Variants in LITAF observed in about 807,000 individuals in gnomAD.
LITAF encodes the protein lipopolysaccharide-induced tumor necrosis factor-alpha factor.
A neutral mutation model predicts 14.5 loss-of-function variants in LITAF; 9 were observed. That is an observed-to-expected ratio of 0.62 (90% CI 0.37 to 1.08). The LOEUF (loss-of-function observed/expected upper bound fraction) is 1.08. Among genes scored for constraint, LITAF ranks in the 50% least tolerant of loss-of-function variants. The pLI, the probability that LITAF is intolerant of heterozygous loss-of-function variation, is 0.01. For synonymous variants in LITAF, 98 were observed against 88.2 expected (o/e 1.11, Z -0.62); for missense variants, 206 against 213.4 (o/e 0.97, Z 0.22).
chr16:11,558,832 C>T lies in LITAF; in HGVS notation c.-5-2097G>A, dbSNP rs930169658. ...AACTTTGAAAGTCCCTTGGAGAACA[C>T]GTGTTCAAGACTTCTTTCTATCAGA... On this transcript the variant is annotated intron_variant, in intron 1 of 3. Coordinates refer to ENST00000622633, the MANE Select transcript of LITAF (RefSeq NM_001136472.2). The surrounding 1 kb of genome is among the most constrained non-coding windows in gnomAD (Gnocchi z 4.1). Among the ~76,000 whole-genome samples, 4 of 152,170 alleles carry T rather than the reference C, an allele frequency of 2.6e-5. No individual in the cohort carries two copies. Among genetic ancestry groups the T allele is most frequent in the Non-Finnish European group, 5.9e-5 (4 of 68,044 alleles).
chr16:11,566,714 G>C (rs1478160600), intron 1 of LITAF, among the ~76,000 whole-genome samples: 1 of 152,006 alleles, frequency 6.6e-6, no homozygotes, highest in African/African-American at 2.4e-5. Flanking sequence ...TGAGGCTGCA[G>C]TAAGCTATAA....
intron 1 of LITAF, among the ~76,000 whole-genome samples, chr16:11,567,806 G>A (rs1330239107): frequency 6.6e-6 from 1 of 152,048 alleles, no homozygotes; most frequent in Non-Finnish European, 1.5e-5. Flanking sequence ...CCAACATGGT[G>A]AAACCCGGCT....
At chr16:11,629,268 T>A (rs952154539) in intron 3 of LITAF, 4 of 152,286 alleles carry the variant, frequency 2.6e-5, no homozygotes, top group Non-Finnish European at 5.9e-5. Flanking sequence ...AGCCGGGAAG[T>A]CAGACATGAC....
chr16:11,628,366 G>A (rs927428368), intron 3 of LITAF, among the ~76,000 whole-genome samples: 3 of 150,848 alleles, frequency 2.0e-5, no homozygotes, highest in African/African-American at 7.3e-5. Context: ...CCAAGTAAAC[G>A]CTTTGCAGAA....
At chr16:11,596,470 A>G (rs182045030) in intron 1 of LITAF, among the ~76,000 whole-genome samples, 12 of 39,714 alleles carry the variant, frequency 3.0e-4, no homozygotes, top group East Asian at 1.1e-3. Context: ...AGGAGGAGGA[A>G]GAGAGAAGTA....
chr16:11,620,117 G>A (rs540004487), intron 3 of LITAF, among the ~76,000 whole-genome samples: 11 of 149,258 alleles, frequency 7.4e-5, no homozygotes, highest in South Asian at 2.1e-4. Context: ...GCAGAGAGCC[G>A]AGATGGCACC....
chr16:11,569,533 C>A (rs1190830425), intron 1 of LITAF, among the ~76,000 whole-genome samples: 1 of 152,002 alleles, frequency 6.6e-6, no homozygotes, highest in Non-Finnish European at 1.5e-5. Flanking sequence ...GATAACTTAA[C>A]ATGTGGAAAT....
intron 3 of LITAF, among the ~76,000 whole-genome samples, chr16:11,623,250 C>T (rs907847687): frequency 5.9e-5 from 9 of 151,818 alleles, no homozygotes; most frequent in Admixed American, 2.0e-4. Flanking sequence ...CATGAGCCAC[C>T]GCGCCCGGCC....
chr16:11,619,918 A>G (rs1177125729), intron 3 of LITAF, among the ~76,000 whole-genome samples: 6 of 152,122 alleles, frequency 3.9e-5, no homozygotes, highest in Non-Finnish European at 8.8e-5. Flanking sequence ...CTGTAATCCC[A>G]GCACTTTGGG....
At chr16:11,601,122 C>T (rs576849839), upstream of LITAF, among the ~76,000 whole-genome samples, 89 of 152,144 alleles carry the variant, frequency 5.8e-4, no homozygotes, top group Admixed American at 3.5e-3. Context: ...ATCCCCCCAC[C>T]CTCACTCCTC....
chr16:11,617,833 C>G (rs557892787), intron 3 of LITAF, among the ~76,000 whole-genome samples: 1 of 151,996 alleles, frequency 6.6e-6, no homozygotes, highest in Non-Finnish European at 1.5e-5. Context: ...ATTTCCTTCC[C>G]TCCGTAACCT....
Position 11,605,042 on chromosome 16 carries a change from G to A in LITAF, c.85+28491C>T, listed in dbSNP as rs773453100. On this transcript the variant is annotated intron_variant, in intron 3 of 3. Coordinates refer to the LITAF transcript ENST00000574848. The surrounding 1 kb of genome is among the most constrained non-coding windows in gnomAD (Gnocchi z 4.7). ...AACTTCCTTGCCTACTCCAGGAATC[G>A]GCCAGGACCACTGCTGGACGTGGGG... 2.0e-5 allele frequency among the ~76,000 whole-genome samples: 3 copies of A among 152,130 alleles called. No homozygotes were observed. Among genetic ancestry groups the A allele is most frequent in the Non-Finnish European group, 2.9e-5 (2 of 68,028 alleles).
At chr16:11,595,340 G>A (rs1861668) in intron 1 of LITAF, among the ~76,000 whole-genome samples, 8 of 151,934 alleles carry the variant, frequency 5.3e-5, no homozygotes, top group African/African-American at 1.9e-4. Context: ...CTGGCCAAAC[G>A]CTTTGTTTCT....
rs761653823 is a variant in LITAF at position 11,564,422 on chromosome 16, T to C, written c.-5-7687A>G. 2.7e-4 allele frequency among the ~76,000 whole-genome samples: 41 copies of C among 152,142 alleles called. 1 individual carries two copies. Among genetic ancestry groups the C allele is most frequent in the Admixed American group, 2.0e-3 (31 of 15,264 alleles). On this transcript the variant is annotated intron_variant, in intron 1 of 3. Coordinates refer to ENST00000622633, the MANE Select transcript of LITAF (RefSeq NM_001136472.2). ...TCAACAGCCTCAGAATTCTCTGGAA[T>C]AGGCCAGTGCAAGCTGCTACTTCGG...
At chr16:11,585,182 G>A (rs1042135876) in intron 1 of LITAF, among the ~76,000 whole-genome samples, 7 of 148,814 alleles carry the variant, frequency 4.7e-5, no homozygotes, top group East Asian at 2.0e-4. Context: ...GCAGTGAGCC[G>A]AGATCGCACC....
At chr16:11,556,418 T>G (rs768644517) in intron 2 of LITAF, 93 bp downstream of exon 2, 21 of 1,112,368 alleles carry the variant, frequency 1.9e-5, no homozygotes, top group Admixed American at 4.6e-5. Context: ...GCACTTCACT[T>G]AGACTCTTTG....
At chr16:11,621,041 G>A (rs144068673) in intron 3 of LITAF, among the ~76,000 whole-genome samples, 3,206 of 151,054 alleles carry the variant, frequency 0.021, 88 homozygotes, top group African/African-American at 0.064. Context: ...GACTACAGGC[G>A]CACTCCACCA....
upstream of LITAF, among the ~76,000 whole-genome samples, chr16:11,589,124 CAAA>C (rs1263563137): frequency 1.3e-5 from 2 of 152,020 alleles, no homozygotes; most frequent in African/African-American, 4.8e-5. Flanking sequence ...CTTTGATCCC[CAAA>C]AAACCACAGA....
intron 3 of LITAF, chr16:11,551,738 G>A (rs1342963163): frequency 1.6e-5 from 11 of 684,200 alleles, no homozygotes; most frequent in Admixed American, 4.2e-5. Context: ...AGGCTGAGCT[G>A]GGCGGATTGC....
Sources: gnomAD v4.1 joint callset for allele counts (sites outside exome capture counted in the v4.1 genomes callset) on GRCh38, gnomAD v4.1.1 for gene constraint, Gnocchi (gnomAD v3.1) non-coding constraint, MANE v1.5 for transcripts, NCBI Gene and HGNC (gene_info 2026-07-23, HGNC 2026-07-21) for gene names.